The following PPARGC1A variants were observed in gnomAD, a reference collection of about 807,000 sequenced individuals.
The protein encoded by PPARGC1A is PPARG coactivator 1 alpha.
A neutral mutation model predicts 88.7 loss-of-function variants in PPARGC1A; 25 were observed. That is an observed-to-expected ratio of 0.28 (90% confidence interval 0.21 to 0.39). PPARGC1A has a LOEUF of 0.39. PPARGC1A is among the 10% of genes least tolerant of loss of function. The pLI is 1.00. For missense variants in PPARGC1A, 880 were observed against 968.7 expected (o/e 0.91, Z 1.22); for synonymous variants, 363 against 355.6 (o/e 1.02, Z -0.24).
the PPARGC1A span, among the ~76,000 whole-genome samples, chr4:24,255,838 G>T: frequency 5.9e-5 from 9 of 152,176 alleles, no homozygotes; most frequent in Non-Finnish European, 1.3e-4. Context: ...ACTGCCCTGT[G>T]CTTCTGTTTT....
At chr4:24,037,725 T>C in the PPARGC1A span, among the ~76,000 whole-genome samples, 1 of 152,210 alleles carries the variant, frequency 6.6e-6, no homozygotes, top group African/African-American at 2.4e-5. Flanking sequence ...CACTTGTGTA[T>C]GCGTCTTGCC....
the PPARGC1A span, among the ~76,000 whole-genome samples, chr4:24,098,990 CT>C: frequency 6.6e-6 from 1 of 152,218 alleles, no homozygotes; most frequent in Non-Finnish European, 1.5e-5. Flanking sequence ...TAATACTGGC[CT>C]TTCCAGTATG....
the PPARGC1A span, among the ~76,000 whole-genome samples, chr4:24,226,694 A>G: frequency 6.6e-6 from 1 of 152,212 alleles, no homozygotes; most frequent in Non-Finnish European, 1.5e-5. Context: ...TGGCTGTGTC[A>G]TCTTGGGCAA....
At chr4:23,900,006 C>T (rs904470256), upstream of PPARGC1A, among the ~76,000 whole-genome samples, 25 of 73,224 alleles carry the variant, frequency 3.4e-4, no homozygotes, top group African/African-American at 2.3e-3. Context: ...AAGTTTGCTG[C>T]CTGTCCAAAA....
chr4:24,266,518 G>T, the PPARGC1A span, among the ~76,000 whole-genome samples: 1 of 152,146 alleles, frequency 6.6e-6, no homozygotes, highest in Admixed American at 6.5e-5. Context: ...AGTCTCTGCT[G>T]TCAAGGAACT....
the PPARGC1A span, among the ~76,000 whole-genome samples, chr4:24,062,250 C>A: frequency 6.6e-6 from 1 of 152,192 alleles, no homozygotes; most frequent in African/African-American, 2.4e-5. Context: ...TATTGTAATA[C>A]CTGCAGGATT....
At chr4:24,124,510 C>T in the PPARGC1A span, among the ~76,000 whole-genome samples, 6 of 152,188 alleles carry the variant, frequency 3.9e-5, no homozygotes, top group African/African-American at 1.4e-4. Context: ...TATGGCATGA[C>T]CTGCAATCTG....
the PPARGC1A span, among the ~76,000 whole-genome samples, chr4:24,467,261 G>C: frequency 6.6e-6 from 1 of 152,160 alleles, no homozygotes; most frequent in Non-Finnish European, 1.5e-5. Context: ...AGAAAAATTG[G>C]AGTTATGTGA....
At chr4:24,336,048 TCC>T in the PPARGC1A span, among the ~76,000 whole-genome samples, 16 of 152,274 alleles carry the variant, frequency 1.1e-4, no homozygotes, top group South Asian at 4.1e-4. Context: ...TCACTTTTTT[TCC>T]CCCGTTTTTA....
the PPARGC1A span, among the ~76,000 whole-genome samples, chr4:24,050,589 G>T: frequency 1.3e-5 from 2 of 152,148 alleles, no homozygotes; most frequent in African/African-American, 4.8e-5. Context: ...GACAGATCAA[G>T]TGATTGCTAG....
At chr4:23,845,357 CTT>C (rs1045369325) in intron 2 of PPARGC1A, among the ~76,000 whole-genome samples, 2 of 152,112 alleles carry the variant, frequency 1.3e-5, no homozygotes, top group Non-Finnish European at 2.9e-5. Flanking sequence ...TTCATAAAGA[CTT>C]AGCACCACAA....
chr4:24,314,919 TA>T, the PPARGC1A span, among the ~76,000 whole-genome samples: 1 of 150,962 alleles, frequency 6.6e-6, no homozygotes, highest in East Asian at 2.0e-4. Context: ...TTCCACTACC[TA>T]AAAACCCAAA....
the PPARGC1A span, among the ~76,000 whole-genome samples, chr4:24,360,802 C>T: frequency 1.3e-5 from 2 of 152,136 alleles, no homozygotes; most frequent in African/African-American, 2.4e-5. Flanking sequence ...ATAGCATAAG[C>T]TATAGCATAG....
At chr4:24,277,022 C>G in the PPARGC1A span, among the ~76,000 whole-genome samples, 1 of 152,154 alleles carries the variant, frequency 6.6e-6, no homozygotes, top group Non-Finnish European at 1.5e-5. Flanking sequence ...TACTCAGGTC[C>G]AAACAGGGAT....
chr4:24,047,277 T>G, the PPARGC1A span, among the ~76,000 whole-genome samples: 2 of 152,226 alleles, frequency 1.3e-5, no homozygotes, highest in Non-Finnish European at 2.9e-5. Context: ...TGACATATTA[T>G]GTATTTATTT....
the PPARGC1A span, among the ~76,000 whole-genome samples, chr4:24,283,488 C>T: frequency 2.9e-3 from 441 of 152,206 alleles, 4 homozygotes; most frequent in East Asian, 0.065. Flanking sequence ...CATTTTTTTC[C>T]GGCAACTTTT....
chr4:24,076,787 T>C, the PPARGC1A span, among the ~76,000 whole-genome samples: 1 of 152,170 alleles, frequency 6.6e-6, no homozygotes, highest in African/African-American at 2.4e-5. Flanking sequence ...AAGTCTTACA[T>C]ACCCCCATTC....
the PPARGC1A span, among the ~76,000 whole-genome samples, chr4:24,282,144 T>C: frequency 1.3e-5 from 2 of 152,154 alleles, no homozygotes; most frequent in Non-Finnish European, 2.9e-5. Context: ...ATCTACCAAT[T>C]AGGAAACTGA....
At chr4:24,229,816 G>A in the PPARGC1A span, among the ~76,000 whole-genome samples, 8 of 146,110 alleles carry the variant, frequency 5.5e-5, no homozygotes, top group African/African-American at 2.0e-4. Flanking sequence ...TTGCATTCCA[G>A]CCTGGGCAAC....
Sources: gnomAD v4.1 joint callset for allele counts (sites outside exome capture counted in the v4.1 genomes callset) on GRCh38, gnomAD v4.1.1 for gene constraint, MANE v1.5 for transcripts, NCBI Gene and HGNC (gene_info 2026-07-23, HGNC 2026-07-21) for gene names.